The following FKBP6 variants were observed in gnomAD, a reference collection of about 807,000 sequenced individuals.
FKBP6 encodes the protein inactive peptidyl-prolyl cis-trans isomerase FKBP6.
In FKBP6, 29 loss-of-function variants were observed where a neutral mutation model predicts 41.7. That is an observed-to-expected ratio of 0.70 (90% confidence interval 0.52 to 0.95). The LOEUF (loss-of-function observed/expected upper bound fraction) is 0.95, where lower values mean the gene tolerates loss of function less well. FKBP6 is among the 40% of genes least tolerant of loss of function. The pLI, the probability that FKBP6 is intolerant of heterozygous loss-of-function variation, is 0.00. For missense variants in FKBP6, 338 were observed against 408.7 expected (o/e 0.83, Z 1.49); for synonymous variants, 130 against 165.1 (o/e 0.79, Z 1.63).
intron 8 of FKBP6, among the ~76,000 whole-genome samples, chr7:73,349,314 T>C (rs1189453314): frequency 2.7e-5 from 4 of 147,220 alleles, no homozygotes; most frequent in East Asian, 2.0e-4. Flanking sequence ...GAGGCTGAGG[T>C]AGGAGAATCG....
chr7:73,332,719 T>A (rs1265173825), intron 5 of FKBP6, among the ~76,000 whole-genome samples: 1 of 152,146 alleles, frequency 6.6e-6, no homozygotes. Flanking sequence ...GAACTAGAAG[T>A]GTTTAGAATT....
At chr7:73,343,221 T>A (rs542871902) in intron 8 of FKBP6, among the ~76,000 whole-genome samples, 2 of 152,208 alleles carry the variant, frequency 1.3e-5, no homozygotes, top group Non-Finnish European at 2.9e-5. Context: ...AGTGGTGCGA[T>A]CTCAGCTCAC....
intron 8 of FKBP6, among the ~76,000 whole-genome samples, chr7:73,346,639 C>T (rs560207134): frequency 1.3e-5 from 2 of 152,098 alleles, no homozygotes; most frequent in Non-Finnish European, 2.9e-5. Flanking sequence ...AAAGGGGCAG[C>T]GTGGGGACAC....
intron 5 of FKBP6, among the ~76,000 whole-genome samples, chr7:73,336,520 C>T (rs191261686): frequency 2.7e-4 from 41 of 152,170 alleles, no homozygotes; most frequent in African/African-American, 9.2e-4. Flanking sequence ...TGCTGGAGCT[C>T]GTGAAAACTC....
At chr7:73,328,999 G>C (rs1404000098) in intron 2 of FKBP6, among the ~76,000 whole-genome samples, 1 of 151,882 alleles carries the variant, frequency 6.6e-6, no homozygotes, top group African/African-American at 2.4e-5. Context: ...AGATATGGGG[G>C]ACTCTATGTT....
chr7:73,351,608 T>C (rs1448547602), intron 8 of FKBP6, among the ~76,000 whole-genome samples: 1 of 152,122 alleles, frequency 6.6e-6, no homozygotes, highest in Non-Finnish European at 1.5e-5. Context: ...TGGCTGCCTT[T>C]TCATCATACC....
Position 73,337,460 on chromosome 7 carries a change from G to A in FKBP6, c.589-3178G>A, listed in dbSNP as rs114950857. Among the ~76,000 whole-genome samples the A allele has an allele frequency of 5.7e-3, 860 of 151,774 alleles. 10 individuals carry two copies. Among genetic ancestry groups the A allele is most frequent in the African/African-American group, 0.02 (835 of 41,356 alleles). On this transcript the variant is annotated intron_variant, in intron 5 of 8. Transcript: ENST00000252037. ...CTCCCAAGTAGCTGAGATTACAAGC[G>A]CCTGCTACCACATCCAGCTCATTTT...
intron 8 of FKBP6, among the ~76,000 whole-genome samples, chr7:73,352,986 A>G (rs1554551343): frequency 1.3e-5 from 2 of 152,112 alleles, no homozygotes; most frequent in Non-Finnish European, 2.9e-5. Flanking sequence ...TTGCTTCTCC[A>G]AGAAATGGCC....
At chr7:73,354,695 T>C (rs994343001) in intron 8 of FKBP6, among the ~76,000 whole-genome samples, 1 of 152,258 alleles carries the variant, frequency 6.6e-6, no homozygotes, top group Non-Finnish European at 1.5e-5. Flanking sequence ...CCACGTTTAC[T>C]ATGTACAGCC....
At chr7:73,357,147 G>A (rs1256303455) in intron 8 of FKBP6, among the ~76,000 whole-genome samples, 1 of 151,946 alleles carries the variant, frequency 6.6e-6, no homozygotes, top group Non-Finnish European at 1.5e-5. Flanking sequence ...AGCGATGGGT[G>A]TGCCTCATGA....
intron 4 of FKBP6, among the ~76,000 whole-genome samples, chr7:73,330,753 C>T (rs1273235886): frequency 6.6e-6 from 1 of 152,204 alleles, no homozygotes; most frequent in African/African-American, 2.4e-5. Flanking sequence ...GTAAAAGGGG[C>T]TGTTCACTGG....
intron 7 of FKBP6, 70 bp downstream of exon 7, chr7:73,341,452 C>A: frequency 5.1e-6 from 5 of 976,188 alleles, no homozygotes; most frequent in Non-Finnish European, 8.3e-6. Context: ...CCCCCACCCC[C>A]CCCAACAAAG....
intron 5 of FKBP6, among the ~76,000 whole-genome samples, chr7:73,332,448 C>T (rs1391698225): frequency 1.3e-5 from 2 of 150,534 alleles, no homozygotes; most frequent in African/African-American, 2.5e-5. Context: ...GAGATTGTGC[C>T]GTTGCATTCC....
intron 5 of FKBP6, among the ~76,000 whole-genome samples, chr7:73,334,781 C>T (rs1189213901): frequency 6.6e-6 from 1 of 152,092 alleles, no homozygotes; most frequent in African/African-American, 2.4e-5. Flanking sequence ...GGACTGTGTC[C>T]TTTTGCACTA....
In FKBP6 at chr7:73,340,827, G is replaced by C; in HGVS notation, c.778G>C (p.Gly260Arg). The C allele has an allele frequency of 6.2e-7, 1 of 1,613,238 alleles. No homozygotes were observed. Among genetic ancestry groups the C allele is most frequent in the Non-Finnish European group, 8.5e-7 (1 of 1,179,514 alleles). The stretch of plus-strand genomic sequence containing the variant: ...GAATGCCAAGGCCCTCTTCAGGTGT[G>C]GACAGGTGAGTTGGAAGCCAGTGAC... ...QKNAKALFRC[G>R]QACLLLTEYQ... Residue 260 changes from glycine to arginine, a missense_variant, in exon 6 of 9, where the codon GGA becomes CGA. Around this residue, in one of 2 missense-constraint regions of FKBP6, gnomAD observed 239 missense variants for 250.1 expected, o/e 0.96. Coordinates refer to ENST00000252037, the MANE Select transcript of FKBP6 (RefSeq NM_003602.5).
chr7:73,355,327 G>C (rs1008320189), intron 8 of FKBP6, among the ~76,000 whole-genome samples: 1 of 152,196 alleles, frequency 6.6e-6, no homozygotes, highest in Admixed American at 6.5e-5. Context: ...TTGCACCTCT[G>C]TGCGATACAT....
chr7:73,348,776 C>T (rs1316857064), intron 8 of FKBP6, among the ~76,000 whole-genome samples: 2 of 152,162 alleles, frequency 1.3e-5, no homozygotes, highest in Non-Finnish European at 2.9e-5. Context: ...GAAACACCTA[C>T]TTATAGTCAC....
chr7:73,341,509 A>G (rs544846756), intron 7 of FKBP6, 127 bp downstream of exon 7: 1 of 737,502 alleles, frequency 1.4e-6, no homozygotes, highest in African/African-American at 1.7e-5. Context: ...CGCCCCCTCT[A>G]CAGCTGGGTT....
intron 5 of FKBP6, among the ~76,000 whole-genome samples, chr7:73,333,290 A>T (rs1804904577): frequency 6.6e-6 from 1 of 151,896 alleles, no homozygotes; most frequent in Non-Finnish European, 1.5e-5. Context: ...AAAAAACAAA[A>T]CACCACACAT....
Sources: allele counts gnomAD v4.1 joint callset (sites outside exome capture counted in the v4.1 genomes callset), GRCh38; gene constraint gnomAD v4.1.1; regional missense constraint gnomAD v4.1.1; transcripts MANE v1.5; gene names NCBI Gene and HGNC (gene_info 2026-07-23, HGNC 2026-07-21).